The following SLC44A1 variants were observed in gnomAD, a reference collection of about 807,000 sequenced individuals.
The protein encoded by SLC44A1 is solute carrier family 44 member 1.
Under a neutral mutation model 79.3 loss-of-function variants are expected in SLC44A1, and 26 were observed. The observed-to-expected ratio is 0.33, with a 90% CI of 0.24 to 0.46. The LOEUF (loss-of-function observed/expected upper bound fraction) is 0.46, where lower values mean the gene tolerates loss of function less well. Ranked by LOEUF, SLC44A1 falls within the 20% of genes least tolerant of loss-of-function variation. The pLI, the probability that SLC44A1 is intolerant of heterozygous loss-of-function variation, is 1.00. For synonymous variants in SLC44A1, 263 were observed against 286.2 expected (o/e 0.92, Z 0.82); for missense variants, 688 against 798.1 (o/e 0.86, Z 1.66).
At chr9:105,346,137 A>T (rs922802792) in intron 4 of SLC44A1, among the ~76,000 whole-genome samples, 2 of 152,138 alleles carry the variant, frequency 1.3e-5, no homozygotes, top group African/African-American at 4.8e-5. Flanking sequence ...CTGTTCATCA[A>T]CCCTTTGAGC....
chr9:105,390,538 G>A lies in SLC44A1; in HGVS notation c.*1482G>A. ...CAGAACTAGACAGTGAATTAGATCG[G>A]TATTATGGAAATGCATACAAGTAAT... On this transcript the variant is annotated 3_prime_UTR_variant, in exon 16 of 16. Transcript: ENST00000374720. 1.0e-6 allele frequency: 1 copy of A among 985,404 alleles called. No homozygotes were observed. Among genetic ancestry groups the A allele is most frequent in the Middle Eastern group, 5.2e-4 (1 of 1,908 alleles). The allele number at this position is 985,404 out of a possible 1,614,324, so 61.0% of individuals were successfully genotyped here. A position where few individuals can be genotyped will look rare whatever the true frequency, so the allele number is the denominator to read the frequency against.
intron 7 of SLC44A1, among the ~76,000 whole-genome samples, chr9:105,360,199 T>G (rs1337080433): frequency 6.6e-6 from 1 of 152,194 alleles, no homozygotes; most frequent in East Asian, 1.9e-4. Context: ...ACTCTTTCCT[T>G]AGATAGTGTC....
intron 9 of SLC44A1, 27 bp from the exon 10 acceptor site, chr9:105,364,528 T>C: frequency 6.3e-7 from 1 of 1,590,308 alleles, no homozygotes; most frequent in South Asian, 1.2e-5. Flanking sequence ...TATGTGCTTC[T>C]TCTTTCCTTC....
rs1230262295 is a variant in SLC44A1, at chr9:105,397,204, C to T, written c.*8148C>T. The T allele has an allele frequency of 4.1e-6, 4 of 985,110 alleles. No homozygotes were observed. The highest frequency in any genetic ancestry group is 4.8e-6 in the Non-Finnish European group (4 of 829,846). 61.0% of individuals were successfully genotyped at this position (985,110 alleles called of 1,614,324 possible). On this transcript the variant is annotated 3_prime_UTR_variant, in exon 16 of 16. Coordinates refer to ENST00000374720, the MANE Select transcript of SLC44A1 (RefSeq NM_080546.5). ...GAAATGTTTTTCTTGTGCAGAAATA[C>T]GAACTAGAAAGAAAAGTGCTGATCT...
chr9:105,358,401 T>A lies in SLC44A1; in HGVS notation c.728T>A (p.Ile243Asn), dbSNP rs1196507278. The A allele has an allele frequency of 4.4e-6, 7 of 1,601,204 alleles. No homozygotes were observed. Among genetic ancestry groups the A allele is most frequent in the Non-Finnish European group, 6.0e-6 (7 of 1,168,398 alleles). ...TATATATCAAGAGTACTTGTGTGGATCTTAACGATTCTGGTCATACTCGGT... is the reference window on the plus strand; with the variant it reads ...TATATATCAAGAGTACTTGTGTGGAACTTAACGATTCTGGTCATACTCGGT... ...IRYISRVLVW[I>N]LTILVILGSL... is the part of the protein sequence containing the mutation. The change falls in exon 7 of 16, where the codon ATC (isoleucine) becomes AAC (asparagine). Residue 243 changes from isoleucine (I) to asparagine (N), a missense_variant. Physicochemically the swap from Ile to Asn is moderately radical, Grantham distance 149 (BLOSUM62 -3). Transcript: ENST00000374720.
At chr9:105,249,589 A>G (rs561868463) in intron 1 of SLC44A1, among the ~76,000 whole-genome samples, 1 of 151,362 alleles carries the variant, frequency 6.6e-6, no homozygotes, top group East Asian at 1.9e-4. Flanking sequence ...TGGTGGCATA[A>G]TCTCGGTTCA....
downstream of SLC44A1, among the ~76,000 whole-genome samples, chr9:105,398,721 C>T (rs935110872): frequency 9.2e-5 from 14 of 152,306 alleles, no homozygotes; most frequent in East Asian, 2.5e-3. Flanking sequence ...CAGCTCAAAA[C>T]TCTTACACAT....
At chr9:105,355,273 ATGT>A (rs1337272268) in intron 5 of SLC44A1, among the ~76,000 whole-genome samples, 2 of 152,214 alleles carry the variant, frequency 1.3e-5, no homozygotes, top group African/African-American at 2.4e-5. Flanking sequence ...AAGTTGAACC[ATGT>A]TGTAACAAAA....
chr9:105,415,530 T>TGGGGTGGTCGTCCTTGAG lies in SLC44A1; in HGVS notation c.1951-22750_1951-22733dup, dbSNP rs371201026. ...AGGAGTTCCAGCTGGAGCAGGATTT[T>TGGGGTGGTCGTCCTTGAG]GGGGTGGTCGTCCTTGAGAGGGCAG... On this transcript the variant is annotated intron_variant, in intron 15 of 15. Transcript: ENST00000374724. 4.3e-4 allele frequency among the ~76,000 whole-genome samples: 66 copies of TGGGGTGGTCGTCCTTGAG among 152,334 alleles called. No homozygotes were observed. In the Middle Eastern group the frequency reaches 0.014, roughly 31 times the overall value.
intron 13 of SLC44A1, among the ~76,000 whole-genome samples, chr9:105,377,413 G>A (rs1034650785): frequency 1.3e-5 from 2 of 152,038 alleles, no homozygotes; most frequent in Admixed American, 6.6e-5. Flanking sequence ...ATTGTAGTAA[G>A]ATGATGTTCT....
At chr9:105,299,914 G>C in intron 2 of SLC44A1, 1 of 985,624 alleles carries the variant, frequency 1.0e-6, no homozygotes, top group South Asian at 4.7e-5. Flanking sequence ...ATAGAGAATG[G>C]AGGAGCAGAG....
At position 105,375,197 on chromosome 9, in the gene SLC44A1, G is replaced by A. The variant is rs556002968; in HGVS notation, c.1632+462G>A. 4.6e-5 allele frequency among the ~76,000 whole-genome samples: 7 copies of A among 152,212 alleles called. No individual in the cohort carries two copies. In the South Asian group the frequency reaches 1.0e-3, roughly 23 times the overall value. On this transcript the variant is annotated intron_variant, in intron 13 of 15. Transcript: ENST00000374720. ...GCTGGGATTACAGGCGTGCCACCAC[G>A]CCCGGCTAATTTTTGTATTATTAGT...
chr9:105,357,436 G>T (rs1289034892), intron 6 of SLC44A1, among the ~76,000 whole-genome samples: 2 of 152,130 alleles, frequency 1.3e-5, no homozygotes, highest in Non-Finnish European at 2.9e-5. Flanking sequence ...ATAATGCTAA[G>T]CCATCAGAAT....
chr9:105,403,347 C>T (rs1429695970), intron 15 of SLC44A1, among the ~76,000 whole-genome samples: 2 of 152,024 alleles, frequency 1.3e-5, no homozygotes, highest in African/African-American at 4.8e-5. Flanking sequence ...AAATAACCCA[C>T]ATATGGCTCT....
intron 3 of SLC44A1, among the ~76,000 whole-genome samples, chr9:105,328,150 A>G (rs1288430120): frequency 6.6e-6 from 1 of 152,178 alleles, no homozygotes; most frequent in Non-Finnish European, 1.5e-5. Context: ...TCCAGGCATC[A>G]TTTTAGGCAC....
intron 1 of SLC44A1, among the ~76,000 whole-genome samples, chr9:105,286,599 A>G (rs1393363558): frequency 6.6e-6 from 1 of 152,126 alleles, no homozygotes; most frequent in African/African-American, 2.4e-5. Flanking sequence ...ATCTTTTTCT[A>G]CCTTAATACG....
At chr9:105,288,594 T>C (rs1830530634) in intron 1 of SLC44A1, among the ~76,000 whole-genome samples, 1 of 152,176 alleles carries the variant, frequency 6.6e-6, no homozygotes, top group Non-Finnish European at 1.5e-5. Flanking sequence ...AGCGATCCTC[T>C]AGCCTCAGCC....
chr9:105,306,811 C>T (rs79782533), intron 2 of SLC44A1, among the ~76,000 whole-genome samples: 2,242 of 152,116 alleles, frequency 0.015, 61 homozygotes, highest in African/African-American at 0.051. Context: ...ATCTGTAACA[C>T]AATGTACTTA....
chr9:105,257,343 G>A (rs1329771013), intron 1 of SLC44A1, among the ~76,000 whole-genome samples: 1 of 152,088 alleles, frequency 6.6e-6, no homozygotes, highest in Non-Finnish European at 1.5e-5. Context: ...TGGTCTGCCC[G>A]CCTTGGCCTC....
Sources: gnomAD v4.1 joint callset for allele counts (sites outside exome capture counted in the v4.1 genomes callset) on GRCh38, gnomAD v4.1.1 for gene constraint, MANE v1.5 for transcripts, NCBI Gene and HGNC (gene_info 2026-07-23, HGNC 2026-07-21) for gene names.